Variants in THSD7B observed in about 807,000 individuals in gnomAD.
THSD7B encodes the protein thrombospondin type 1 domain containing 7B.
In THSD7B, 138 loss-of-function variants were observed where a neutral mutation model predicts 213.6. The observed-to-expected ratio is 0.65, with a 90% CI of 0.56 to 0.74. The LOEUF (loss-of-function observed/expected upper bound fraction) is 0.74, where lower values mean the gene tolerates loss of function less well. THSD7B is among the 30% of genes least tolerant of loss of function. THSD7B has a pLI of 0.00. For synonymous variants in THSD7B, 742 were observed against 687.0 expected (o/e 1.08, Z -1.25); for missense variants, 1,931 against 1,991.5 (o/e 0.97, Z 0.58).
chr2:137,092,117 T>A (rs904128575), intron 3 of THSD7B, among the ~76,000 whole-genome samples: 1 of 152,180 alleles, frequency 6.6e-6, no homozygotes, highest in Non-Finnish European at 1.5e-5. Context: ...AAATAGATTT[T>A]AAAAAAATAA....
intron 10 of THSD7B, among the ~76,000 whole-genome samples, chr2:137,261,493 G>A (rs1361659232): frequency 6.6e-6 from 1 of 152,078 alleles, no homozygotes; most frequent in Non-Finnish European, 1.5e-5. Flanking sequence ...GCCCTTTGAT[G>A]TACTGAGAGA....
At position 137,608,979 on chromosome 2, in the gene THSD7B, A is replaced by G. The variant is rs985703444; in HGVS notation, c.3424-7196A>G. ...TACCTATGTAAAATGCATTAATGAT[A>G]AGAGTGCACTGCACTTGAAGAATCC... On this transcript the variant is annotated intron_variant, in intron 17 of 27. Coordinates refer to ENST00000409968, the MANE Select transcript of THSD7B (RefSeq NM_001316349.2). Among the ~76,000 whole-genome samples the G allele has an allele frequency of 3.3e-5, 5 of 152,234 alleles. No homozygotes were observed. In the East Asian group the frequency reaches 7.7e-4, roughly 23 times the overall value.
intron 15 of THSD7B, among the ~76,000 whole-genome samples, chr2:137,530,583 G>C (rs186381261): frequency 2.2e-4 from 33 of 152,068 alleles, no homozygotes; most frequent in African/African-American, 7.2e-4. Context: ...AGCCTGTCTC[G>C]TTTAGAGAGA....
chr2:137,470,851 A>G (rs1688077314), intron 15 of THSD7B, among the ~76,000 whole-genome samples: 3 of 151,920 alleles, frequency 2.0e-5, no homozygotes, highest in Admixed American at 2.0e-4. Flanking sequence ...GTATACCAGT[A>G]TAATGACTGT....
intron 7 of THSD7B, among the ~76,000 whole-genome samples, chr2:137,215,419 G>A (rs576516445): frequency 6.6e-6 from 1 of 152,260 alleles, no homozygotes; most frequent in Non-Finnish European, 1.5e-5. Flanking sequence ...GGTTATATGA[G>A]TTCTAAAACT....
chr2:137,168,406 T>C (rs1259603642), intron 6 of THSD7B, among the ~76,000 whole-genome samples: 2 of 152,206 alleles, frequency 1.3e-5, no homozygotes, highest in African/African-American at 4.8e-5. Flanking sequence ...ATTGCAGGCA[T>C]GAACAGCGAT....
rs541880675 is a variant in THSD7B, at chr2:137,436,153, AATAT to A, written c.2960-14686_2960-14683del. Among the ~76,000 whole-genome samples, 190 of 151,962 alleles carry A rather than the reference AATAT, an allele frequency of 1.3e-3. 1 individual carries two copies. The highest frequency in any genetic ancestry group is 4.0e-3 in the African/African-American group (165 of 41,502). ...GTATTCCTGATTATACATATAAATA[AATAT>A]ATATAATTATTTAGCTTGTGTTTTA... On this transcript the variant is annotated intron_variant, in intron 14 of 27. Coordinates refer to ENST00000409968, the MANE Select transcript of THSD7B (RefSeq NM_001316349.2).
At chr2:137,393,408 G>A (rs987183228) in intron 12 of THSD7B, among the ~76,000 whole-genome samples, 10 of 150,718 alleles carry the variant, frequency 6.6e-5, no homozygotes, top group Admixed American at 6.6e-4. Flanking sequence ...AGAATGTGCG[G>A]TGTTTGGTTT....
intron 5 of THSD7B, among the ~76,000 whole-genome samples, chr2:137,149,413 A>G (rs988729030): frequency 1.3e-5 from 2 of 152,174 alleles, no homozygotes; most frequent in African/African-American, 2.4e-5. Context: ...GAAGAGGGCC[A>G]CTGTTCTCCA....
At chr2:137,598,680 G>C (rs1469836168) in intron 17 of THSD7B, among the ~76,000 whole-genome samples, 3 of 152,150 alleles carry the variant, frequency 2.0e-5, no homozygotes, top group East Asian at 3.9e-4. Context: ...TCCTGATATT[G>C]TTAATGTGTT....
intron 12 of THSD7B, among the ~76,000 whole-genome samples, chr2:137,374,707 C>A (rs1558774808): frequency 6.6e-6 from 1 of 152,198 alleles, no homozygotes; most frequent in Non-Finnish European, 1.5e-5. Context: ...GCTAATCTTG[C>A]AAGTTCTCAA....
chr2:137,589,268 A>G (rs1003398833), intron 17 of THSD7B, among the ~76,000 whole-genome samples: 1 of 152,152 alleles, frequency 6.6e-6, no homozygotes, highest in Admixed American at 6.5e-5. Context: ...TTTAATCCAT[A>G]TTCTACTTAG....
chr2:137,073,242 T>A (rs1040929419), intron 3 of THSD7B, among the ~76,000 whole-genome samples: 1 of 152,188 alleles, frequency 6.6e-6, no homozygotes, highest in South Asian at 2.1e-4. Flanking sequence ...CCTGGACTTT[T>A]TTTGGTTGGC....
At chr2:137,585,333 A>G (rs184049292) in intron 17 of THSD7B, among the ~76,000 whole-genome samples, 409 of 151,696 alleles carry the variant, frequency 2.7e-3, no homozygotes, top group African/African-American at 9.3e-3. Flanking sequence ...TTTTGTCTCT[A>G]TCTCCTTCAG....
chr2:137,181,068 G>T (rs1168073008), intron 7 of THSD7B, among the ~76,000 whole-genome samples: 3 of 152,170 alleles, frequency 2.0e-5, no homozygotes, highest in African/African-American at 4.8e-5. Context: ...GTTTAAGTTA[G>T]ATATATAGTA....
At chr2:137,035,194 C>T (rs1686753220) in intron 2 of THSD7B, among the ~76,000 whole-genome samples, 1 of 152,180 alleles carries the variant, frequency 6.6e-6, no homozygotes, top group Non-Finnish European at 1.5e-5. Context: ...ATTAGGCCAT[C>T]TTTGTTATCT....
chr2:137,496,985 T>C (rs1463038417), intron 15 of THSD7B, among the ~76,000 whole-genome samples: 1 of 152,186 alleles, frequency 6.6e-6, no homozygotes, highest in Non-Finnish European at 1.5e-5. Flanking sequence ...ATTCTTTGTA[T>C]GTCCATTCTT....
intron 5 of THSD7B, among the ~76,000 whole-genome samples, chr2:137,117,669 C>T (rs1232446619): frequency 6.6e-6 from 1 of 152,122 alleles, no homozygotes; most frequent in Admixed American, 6.5e-5. Context: ...AAAACCCCAT[C>T]ATCCACTGGT....
intron 11 of THSD7B, among the ~76,000 whole-genome samples, chr2:137,274,284 C>T (rs191713287): frequency 1.0e-3 from 157 of 152,162 alleles, no homozygotes; most frequent in Admixed American, 5.6e-3. Context: ...AGCGAGTTAA[C>T]GTAGGATTTT....
Sources: allele counts gnomAD v4.1 joint callset (sites outside exome capture counted in the v4.1 genomes callset), GRCh38; gene constraint gnomAD v4.1.1; transcripts MANE v1.5; gene names NCBI Gene and HGNC (gene_info 2026-07-23, HGNC 2026-07-21).